Variants in EXT1 observed in about 807,000 individuals in gnomAD.
EXT1 encodes exostosin glycosyltransferase 1.
Under a neutral mutation model 82.5 loss-of-function variants are expected in EXT1, and 20 were observed. The ratio of observed to expected loss-of-function variants is 0.24; its 90% confidence interval spans 0.17 to 0.35. The LOEUF (loss-of-function observed/expected upper bound fraction) is 0.35. EXT1 is among the 10% of genes least tolerant of loss of function. The pLI is 1.00. For synonymous variants in EXT1, 348 were observed against 350.8 expected (o/e 0.99, Z 0.09); for missense variants, 757 against 936.5 (o/e 0.81, Z 2.50).
chr8:118,083,466 G>A (rs1817366643), intron 1 of EXT1, among the ~76,000 whole-genome samples: 1 of 152,202 alleles, frequency 6.6e-6, no homozygotes, highest in South Asian at 2.1e-4. Context: ...GTCAAGGCCA[G>A]CCTGGCCCTA....
chr8:117,833,538 C>T (rs1248580755), intron 3 of EXT1, among the ~76,000 whole-genome samples: 5 of 151,872 alleles, frequency 3.3e-5, no homozygotes, highest in Non-Finnish European at 5.9e-5. Context: ...TCGCTTAAAC[C>T]CGGGAGGTGG....
chr8:118,108,178 C>T (rs761763648), intron 1 of EXT1, among the ~76,000 whole-genome samples: 22 of 152,038 alleles, frequency 1.4e-4, no homozygotes, highest in Non-Finnish European at 2.4e-4. Flanking sequence ...AACGTAGAAA[C>T]GTAATATTTA....
At chr8:117,922,762 G>A (rs1813880841) in intron 1 of EXT1, among the ~76,000 whole-genome samples, 1 of 152,136 alleles carries the variant, frequency 6.6e-6, no homozygotes, top group Non-Finnish European at 1.5e-5. Context: ...ACAGGGCTCA[G>A]GCAGCAGCTC....
At position 117,860,697 on chromosome 8, in the gene EXT1, T is replaced by G. The variant is rs189827731; in HGVS notation, c.963-23496A>C. 6.3e-3 allele frequency among the ~76,000 whole-genome samples: 965 copies of G among 152,332 alleles called. 11 individuals are homozygous for G. The highest frequency in any genetic ancestry group is 6.0e-3 in the Non-Finnish European group (407 of 68,024). On this transcript the variant is annotated intron_variant, in intron 1 of 10. Transcript: ENST00000378204. ...ATTAATTGCCAACATTTTCAAATCATGAGATTTCATGCCAAAATCCGGATT... is the reference window on the plus strand; with the variant it reads ...ATTAATTGCCAACATTTTCAAATCAGGAGATTTCATGCCAAAATCCGGATT...
At chr8:117,863,108 T>C (rs1812713511) in intron 1 of EXT1, among the ~76,000 whole-genome samples, 1 of 146,106 alleles carries the variant, frequency 6.8e-6, no homozygotes, top group Non-Finnish European at 1.5e-5. Flanking sequence ...AACACAAAAT[T>C]ATATGGTGCT....
intron 1 of EXT1, among the ~76,000 whole-genome samples, chr8:118,011,828 C>T (rs554834569): frequency 6.6e-6 from 1 of 152,214 alleles, no homozygotes; most frequent in Non-Finnish European, 1.5e-5. Context: ...CATCTTTGAT[C>T]TCACTACTTC....
At position 117,799,668 on chromosome 8, in the gene EXT1, C is replaced by T. The variant is rs539757640; in HGVS notation, c.*44G>A. Reference sequence around the variant, plus strand: ...GCACTGGGAAGAGAGAGCAGCTTGACCCCCATCCCTTCTTGCTTCCCCTCC... The same window carrying T: ...GCACTGGGAAGAGAGAGCAGCTTGATCCCCATCCCTTCTTGCTTCCCCTCC... On this transcript the variant is annotated 3_prime_UTR_variant, in exon 11 of 11. Coordinates refer to ENST00000378204, the MANE Select transcript of EXT1 (RefSeq NM_000127.3). The T allele has an allele frequency of 2.5e-6, 4 of 1,607,424 alleles. No individual in the cohort carries two copies. The East Asian group carries it at 6.7e-5, about 27-fold the overall frequency.
chr8:117,852,873 C>T lies in EXT1; in HGVS notation c.963-15672G>A, dbSNP rs111319483. 2.2e-3 allele frequency among the ~76,000 whole-genome samples: 331 copies of T among 152,182 alleles called. 2 individuals carry two copies. Among genetic ancestry groups the T allele is most frequent in the African/African-American group, 7.6e-3 (316 of 41,526 alleles). The stretch of plus-strand genomic sequence containing the variant: ...CAGAATTATGGAATTCACTGTCTTG[C>T]GTAGGGAGACTGATAGTAAATAATT... On this transcript the variant is annotated intron_variant, in intron 1 of 10. Coordinates refer to ENST00000378204, the MANE Select transcript of EXT1 (RefSeq NM_000127.3).
intron 1 of EXT1, among the ~76,000 whole-genome samples, chr8:118,040,909 AGGTTCATGCCTG>A (rs1195194351): frequency 1.3e-5 from 2 of 152,224 alleles, no homozygotes; most frequent in Non-Finnish European, 2.9e-5. Context: ...CCAAGAGACA[AGGTTCATGCCTG>A]AACCACAAGC....
chr8:118,005,452 G>T (rs1213010006), intron 1 of EXT1, among the ~76,000 whole-genome samples: 2 of 152,154 alleles, frequency 1.3e-5, no homozygotes, highest in Non-Finnish European at 2.9e-5. Flanking sequence ...TAATACCTAT[G>T]CACTATTTAG....
chr8:118,069,481 C>T (rs953654966), intron 1 of EXT1, among the ~76,000 whole-genome samples: 4 of 152,136 alleles, frequency 2.6e-5, no homozygotes, highest in African/African-American at 9.7e-5. Flanking sequence ...CATGAAACTA[C>T]AAACATTCTC....
intron 1 of EXT1, among the ~76,000 whole-genome samples, chr8:117,858,826 AAGG>A: frequency 2.6e-5 from 1 of 38,900 alleles, no homozygotes; most frequent in African/African-American, 9.4e-5. Flanking sequence ...GGAAGGAAGG[AAGG>A]AAGGAAGGAA....
intron 1 of EXT1, among the ~76,000 whole-genome samples, chr8:117,989,940 A>C (rs1815399531): frequency 6.6e-6 from 1 of 152,212 alleles, no homozygotes; most frequent in Admixed American, 6.5e-5. Context: ...TCACGCCTAT[A>C]ATTCCAGCAC....
intron 1 of EXT1, among the ~76,000 whole-genome samples, chr8:118,022,919 A>T (rs756822105): frequency 6.6e-6 from 1 of 152,288 alleles, no homozygotes; most frequent in Middle Eastern, 3.4e-3. Flanking sequence ...GCACCCACGT[A>T]TATTTTAATA....
intron 1 of EXT1, among the ~76,000 whole-genome samples, chr8:117,842,091 G>A (rs1364314372): frequency 1.3e-5 from 2 of 152,162 alleles, no homozygotes; most frequent in Non-Finnish European, 2.9e-5. Context: ...GGATAATTAT[G>A]ATGCACCCTA....
At chr8:117,856,251 TC>T in intron 1 of EXT1, among the ~76,000 whole-genome samples, 2 of 149,276 alleles carry the variant, frequency 1.3e-5, no homozygotes, top group East Asian at 2.0e-4. Context: ...TAAGGCTTTT[TC>T]TTTTTTTTTT....
intron 1 of EXT1, among the ~76,000 whole-genome samples, chr8:117,983,565 G>A (rs1815251710): frequency 1.3e-5 from 2 of 152,146 alleles, no homozygotes; most frequent in South Asian, 4.1e-4. Flanking sequence ...TCACAGGTAT[G>A]TTCTAAACAT....
chr8:117,835,533 T>C lies in EXT1; in HGVS notation c.1075A>G (p.Met359Val). The C allele has an allele frequency of 1.9e-6, 3 of 1,614,078 alleles. No individual in the cohort carries two copies. The highest frequency in any genetic ancestry group is 1.7e-6 in the Non-Finnish European group (2 of 1,179,946). Residue 359 changes from methionine to valine, a missense_variant, in exon 3 of 11, where the codon ATG becomes GTG. This residue lies in a region of EXT1 where 247 missense variants were observed against 330.1 expected (regional missense o/e 0.75). Coordinates refer to ENST00000378204, the MANE Select transcript of EXT1 (RefSeq NM_000127.3). ...GGCAACTCCCATCCATTGCTGAGCATCACAGGGACGCAGGCAGCCTGAGCA... is the reference window on the plus strand; with the variant it reads ...GGCAACTCCCATCCATTGCTGAGCACCACAGGGACGCAGGCAGCCTGAGCA... ...EALQAACVPV[M>V]LSNGWELPFS...
At chr8:117,954,641 A>T (rs911664155) in intron 1 of EXT1, among the ~76,000 whole-genome samples, 9 of 152,212 alleles carry the variant, frequency 5.9e-5, no homozygotes, top group Non-Finnish European at 1.3e-4. Context: ...CAAGGATATA[A>T]TTCAAAACCC....
Sources: allele counts gnomAD v4.1 joint callset (sites outside exome capture counted in the v4.1 genomes callset), GRCh38; gene constraint gnomAD v4.1.1; regional missense constraint gnomAD v4.1.1; transcripts MANE v1.5; gene names NCBI Gene and HGNC (gene_info 2026-07-23, HGNC 2026-07-21).